SCOC: variants seen among roughly 807,000 people sequenced by gnomAD.
SCOC encodes the protein short coiled-coil protein, also known as short coiled coil protein.
Under a neutral mutation model 9.9 loss-of-function variants are expected in SCOC, and 7 were observed. The ratio of observed to expected loss-of-function variants is 0.71; its 90% CI spans 0.40 to 1.33. The LOEUF is 1.33. Ranked by LOEUF, SCOC falls within the 40% of genes most tolerant of loss-of-function variation. The pLI, the probability that SCOC is intolerant of heterozygous loss-of-function variation, is 0.01. For synonymous variants in SCOC, 19 were observed against 28.2 expected, an observed-to-expected ratio of 0.67 and a Z score of 1.03; for missense variants, 66 against 89.7, an observed-to-expected ratio of 0.74 and a Z score of 1.07.
intron 2 of SCOC, among the ~76,000 whole-genome samples, chr4:140,368,139 A>G (rs1727883447): frequency 6.6e-6 from 1 of 152,230 alleles, no homozygotes; most frequent in African/African-American, 2.4e-5. Flanking sequence ...TTAAATGAGC[A>G]AAGAATGGAA....
At chr4:140,377,909 A>G (rs1177534867) in intron 1 of SCOC, among the ~76,000 whole-genome samples, 1 of 152,212 alleles carries the variant, frequency 6.6e-6, no homozygotes, top group Non-Finnish European at 1.5e-5. Flanking sequence ...AAAGAATAAC[A>G]CTGACAGGTC....
rs1207473881 is a variant in SCOC at position 140,319,757 on chromosome 4, G to GA, written c.-18-23854dup. 1.3e-3 allele frequency among the ~76,000 whole-genome samples: 197 copies of GA among 146,922 alleles called. 2 individuals carry two copies. Among genetic ancestry groups the GA allele is most frequent in the Middle Eastern group, 3.5e-3 (1 of 282 alleles). On this transcript the variant is annotated intron_variant, in intron 1 of 4. Transcript: ENST00000394205. ...AGTACTTCTCCCATTCTAACAATGA[G>GA]AAAAAAAAAACTAAACTACAAAATT...
intron 1 of SCOC, among the ~76,000 whole-genome samples, chr4:140,277,885 GGAA>G (rs1162790167): frequency 3.3e-5 from 5 of 152,002 alleles, no homozygotes; most frequent in African/African-American, 1.2e-4. Context: ...ACCAAGGAGA[GGAA>G]GAAGAAGAAG....
chr4:140,278,338 T>G (rs1176885075), intron 1 of SCOC, among the ~76,000 whole-genome samples: 2 of 151,886 alleles, frequency 1.3e-5, no homozygotes, highest in Non-Finnish European at 2.9e-5. Flanking sequence ...CTTGCTCTGT[T>G]GCCCAGGCTG....
chr4:140,358,382 T>G (rs1278074911), intron 2 of SCOC, among the ~76,000 whole-genome samples: 3 of 152,206 alleles, frequency 2.0e-5, no homozygotes, highest in African/African-American at 7.2e-5. Context: ...AGTATTTTTC[T>G]TAGAAACACT....
chr4:140,317,449 T>C (rs1732355321), intron 1 of SCOC, among the ~76,000 whole-genome samples: 1 of 152,100 alleles, frequency 6.6e-6, no homozygotes, highest in African/African-American at 2.4e-5. Context: ...TCCGTTCTGA[T>C]TACCGGTGCA....
At chr4:140,375,614 G>T (rs777789456) in intron 1 of SCOC, among the ~76,000 whole-genome samples, 1 of 152,166 alleles carries the variant, frequency 6.6e-6, no homozygotes, top group Non-Finnish European at 1.5e-5. Flanking sequence ...GATCGTCTTT[G>T]GTCACAGGTG....
At chr4:140,318,002 T>A (rs1235890698) in intron 1 of SCOC, among the ~76,000 whole-genome samples, 123 of 151,542 alleles carry the variant, frequency 8.1e-4, no homozygotes, top group African/African-American at 2.8e-3. Context: ...TCCAATTTCA[T>A]CCATGTCCCT....
At chr4:140,367,392 T>G (rs1256428217) in intron 2 of SCOC, among the ~76,000 whole-genome samples, 1 of 152,082 alleles carries the variant, frequency 6.6e-6, no homozygotes, top group African/African-American at 2.4e-5. Flanking sequence ...AGATTATTTT[T>G]TTTTTGAGAT....
chr4:140,373,233 T>C, upstream of SCOC: 3 of 1,168,470 alleles, frequency 2.6e-6, no homozygotes, highest in Non-Finnish European at 3.2e-6. Context: ...TTTCTCGAAC[T>C]TGAATGACTT....
At chr4:140,335,223 G>C (rs1403130033) in intron 1 of SCOC, among the ~76,000 whole-genome samples, 1 of 152,212 alleles carries the variant, frequency 6.6e-6, no homozygotes, top group Non-Finnish European at 1.5e-5. Context: ...ACTGTTGTGA[G>C]AGTGTGGGCT....
At chr4:140,288,577 C>T (rs935451715) in intron 1 of SCOC, among the ~76,000 whole-genome samples, 1 of 151,786 alleles carries the variant, frequency 6.6e-6, no homozygotes, top group African/African-American at 2.4e-5. Context: ...CATGTACCAC[C>T]CATACCACTC....
rs70943486 is a variant in SCOC at position 140,332,359 on chromosome 4, C to CTTTTTT, written c.-18-11237_-18-11232dup. On this transcript the variant is annotated intron_variant, in intron 1 of 4. Coordinates refer to the SCOC transcript ENST00000394205. Reference sequence around the variant, plus strand: ...CTCATGCCAAAAACTCTGGAGTCATCTTTTTTTTTTTTTTTTTTTTTTTTT... The same window carrying CTTTTTT: ...CTCATGCCAAAAACTCTGGAGTCATCTTTTTTTTTTTTTTTTTTTTTTTTTTTTTTT... Among the ~76,000 whole-genome samples, 23 of 76,824 alleles carry CTTTTTT rather than the reference C, an allele frequency of 3.0e-4. 1 individual carries two copies. The highest frequency in any genetic ancestry group is 9.3e-4 in the South Asian group (2 of 2,140). The allele number at this position is 76,824 out of a possible 152,430, so 50.4% of individuals were successfully genotyped here.
At chr4:140,305,289 G>C (rs114992548) in intron 1 of SCOC, among the ~76,000 whole-genome samples, 2 of 152,266 alleles carry the variant, frequency 1.3e-5, no homozygotes, top group East Asian at 3.9e-4. Context: ...ATAGGTATAC[G>C]CCTAGTCTTT....
upstream of SCOC, chr4:140,373,539 G>T (rs1158836161): frequency 6.4e-7 from 1 of 1,551,622 alleles, no homozygotes; most frequent in African/African-American, 1.4e-5. Context: ...GGCAGCTAAT[G>T]CGCAGGCGTG....
intron 1 of SCOC, chr4:140,285,194 C>T (rs183951418): frequency 3.4e-4 from 156 of 456,710 alleles, no homozygotes; most frequent in Non-Finnish European, 5.4e-4. Flanking sequence ...AAGTTGTGTT[C>T]GATAGACATC....
intron 1 of SCOC, among the ~76,000 whole-genome samples, chr4:140,281,211 T>C (rs931781704): frequency 6.6e-5 from 10 of 151,042 alleles, no homozygotes; most frequent in Admixed American, 3.9e-4. Flanking sequence ...CTCACCTAGG[T>C]TTTTTCCCCC....
At chr4:140,361,717 C>T (rs1319860365) in intron 2 of SCOC, among the ~76,000 whole-genome samples, 1 of 152,020 alleles carries the variant, frequency 6.6e-6, no homozygotes, top group Non-Finnish European at 1.5e-5. Flanking sequence ...AAACAATGCT[C>T]CAAGTAAAAT....
intron 1 of SCOC, among the ~76,000 whole-genome samples, chr4:140,327,322 T>G (rs1560702696): frequency 6.6e-6 from 1 of 152,180 alleles, no homozygotes; most frequent in South Asian, 2.1e-4. Flanking sequence ...AGGAGGAAGA[T>G]GCAAACACCA....
Sources: allele counts gnomAD v4.1 joint callset (sites outside exome capture counted in the v4.1 genomes callset), GRCh38; gene constraint gnomAD v4.1.1; transcripts MANE v1.5; gene names NCBI Gene and HGNC (gene_info 2026-07-23, HGNC 2026-07-21).